Variants in USP49 observed in about 807,000 individuals in gnomAD.
USP49 encodes the protein ubiquitin specific peptidase 49.
A neutral mutation model predicts 58.6 loss-of-function variants in USP49; 24 were observed. The observed-to-expected ratio is 0.41, with a 90% CI of 0.30 to 0.58. The LOEUF is 0.58. Among genes scored for constraint, USP49 ranks in the 20% least tolerant of loss-of-function variants. The pLI is 0.30. For synonymous variants in USP49, 408 were observed against 365.1 expected (o/e 1.12, Z -1.34); for missense variants, 703 against 866.1 (o/e 0.81, Z 2.36).
At chr6:41,858,095 A>G (rs948649019) in intron 3 of USP49, among the ~76,000 whole-genome samples, 2 of 152,128 alleles carry the variant, frequency 1.3e-5, no homozygotes, top group Admixed American at 6.6e-5. Flanking sequence ...GGCTCCATCC[A>G]TATTTAGCCT....
chr6:41,836,684 C>T (rs1773732960), intron 3 of USP49, among the ~76,000 whole-genome samples: 1 of 152,006 alleles, frequency 6.6e-6, no homozygotes, highest in South Asian at 2.1e-4. Flanking sequence ...AATTTTATAC[C>T]TAGAAAACCC....
chr6:41,802,472 T>TA (rs1773035194), intron 5 of USP49, among the ~76,000 whole-genome samples: 1 of 69,098 alleles, frequency 1.4e-5, no homozygotes, highest in African/African-American at 6.6e-5. Flanking sequence ...TTATTTATTT[T>TA]TTATTTATTT....
intron 4 of USP49, among the ~76,000 whole-genome samples, chr6:41,805,382 T>A (rs559431470): frequency 6.6e-6 from 1 of 152,306 alleles, no homozygotes; most frequent in African/African-American, 2.4e-5. Context: ...CAATTAAAGA[T>A]ATTCACTGAA....
intron 3 of USP49, among the ~76,000 whole-genome samples, chr6:41,813,148 G>A (rs559530393): frequency 1.3e-3 from 205 of 152,228 alleles, no homozygotes; most frequent in Admixed American, 2.2e-3. Flanking sequence ...TATTAAGACA[G>A]CATAGACTTA....
Position 41,806,168 on chromosome 6 carries a change from G to A in USP49, c.816C>T (p.Ser272=). The A allele has an allele frequency of 6.2e-7, 1 of 1,613,460 alleles. No homozygotes were observed. The highest frequency in any genetic ancestry group is 1.1e-5 in the South Asian group (1 of 91,088). ...AACATTCTCGGAACTTCTGGAGGTG[G>A]CTGAGCACCTGGAGGATGGAGTTCA... The part of the protein sequence containing the change: ...CYMNSILQVL[S]HLQKFRECFL... Residue 272 remains serine (S), a synonymous_variant, in exon 4 of 8, where the codon AGC becomes AGT. Transcript: ENST00000682992. The surrounding 1 kb of genome is among the most constrained non-coding windows in gnomAD (Gnocchi z 5.9).
chr6:41,890,378 C>CAAAA (rs34841111), intron 2 of USP49, among the ~76,000 whole-genome samples: 1 of 135,634 alleles, frequency 7.4e-6, no homozygotes, highest in Non-Finnish European at 1.6e-5. Flanking sequence ...TACTCCAACT[C>CAAAA]AAAAAAAAAA....
chr6:41,887,952 C>T (rs1013753105), intron 2 of USP49, among the ~76,000 whole-genome samples: 12 of 151,686 alleles, frequency 7.9e-5, no homozygotes, highest in African/African-American at 1.9e-4. Flanking sequence ...CCCATGTCTC[C>T]GAAACAATAA....
intron 5 of USP49, among the ~76,000 whole-genome samples, chr6:41,802,428 T>TTTTATTTTATTTATTTATTTATTTA (rs10688447): frequency 9.4e-6 from 1 of 106,432 alleles, no homozygotes; most frequent in East Asian, 2.6e-4. Flanking sequence ...TTTTATTTTA[T>TTTTATTTTATTTATTTATTTATTTA]TTTATTTATT....
chr6:41,850,982 G>A (rs568075172), intron 3 of USP49, among the ~76,000 whole-genome samples: 5 of 152,166 alleles, frequency 3.3e-5, no homozygotes, highest in African/African-American at 7.2e-5. Context: ...CAATGAGTAA[G>A]GAGATTAAAT....
chr6:41,808,672 A>C (rs886172927), intron 3 of USP49, among the ~76,000 whole-genome samples: 1 of 151,682 alleles, frequency 6.6e-6, no homozygotes, highest in Non-Finnish European at 1.5e-5. Flanking sequence ...AGCCTCCCAA[A>C]GTGCTGCGAT....
At chr6:41,797,612 A>C in intron 7 of USP49, 1 of 985,774 alleles carries the variant, frequency 1.0e-6, no homozygotes, top group Non-Finnish European at 1.2e-6. Context: ...TTCCCATGGC[A>C]GGGGAAGTAG....
chr6:41,844,290 G>A (rs1244531110), intron 3 of USP49, among the ~76,000 whole-genome samples: 2 of 151,848 alleles, frequency 1.3e-5, no homozygotes, highest in African/African-American at 2.4e-5. Flanking sequence ...TTTCTCTTTA[G>A]GCAACTGCGT....
At position 41,881,288 on chromosome 6, in the gene USP49, C is replaced by CAAA. The variant is rs57022965; in HGVS notation, c.-102-9654_-102-9652dup. 4.3e-3 allele frequency among the ~76,000 whole-genome samples: 88 copies of CAAA among 20,388 alleles called. 14 individuals carry two copies. Among genetic ancestry groups the CAAA allele is most frequent in the South Asian group, 0.015 (4 of 264 alleles). The allele number at this position is 20,388 out of a possible 152,430, so 13.4% of individuals were successfully genotyped here. On this transcript the variant is annotated intron_variant, in intron 2 of 7. Coordinates refer to ENST00000682992, the MANE Select transcript of USP49 (RefSeq NM_001286554.2). ...TGTTCAGAAATATGGCATTAAATAC[C>CAAA]AAAAAAAAAAAAAAAAAAAAAAAAA...
intron 3 of USP49, among the ~76,000 whole-genome samples, chr6:41,859,065 C>T (rs1774176767): frequency 6.6e-6 from 1 of 152,186 alleles, no homozygotes; most frequent in Non-Finnish European, 1.5e-5. Flanking sequence ...TCAGTTCTAG[C>T]CCACATTACT....
Position 41,805,698 on chromosome 6 carries a change from G to C in USP49, c.1286C>G (p.Ser429Cys), listed in dbSNP as rs759941956. The C allele has an allele frequency of 4.5e-5, 72 of 1,614,030 alleles. No individual in the cohort carries two copies. Among genetic ancestry groups the C allele is most frequent in the Non-Finnish European group, 4.6e-5 (54 of 1,180,024 alleles). Residue 429 changes from serine (S) to cysteine (C), a missense_variant, in exon 4 of 8, where the codon TCC (serine) becomes TGC (cysteine). By Grantham distance (112) the Ser-to-Cys change is moderately radical. Transcript: ENST00000682992. ...GTTRRILIPFSQRKLTKQVLK... is the reference protein window; with the variant it reads ...GTTRRILIPFCQRKLTKQVLK... ...GACCTGTTTGGTGAGCTTCCTCTGG[G>C]AGAAGGGGATGAGGATCCGGCGTGT... is the stretch of plus-strand genomic sequence containing the variant.
At chr6:41,837,383 C>T (rs1417086843) in intron 3 of USP49, among the ~76,000 whole-genome samples, 3 of 152,058 alleles carry the variant, frequency 2.0e-5, no homozygotes, top group Non-Finnish European at 2.9e-5. Flanking sequence ...TAAATGGCAC[C>T]GGAATAACTG....
chr6:41,810,848 C>T lies in USP49; in HGVS notation c.-28-3837G>A, dbSNP rs542580812. ...TGCTGGGATTATAGGTGTGAGCCAC[C>T]GTGCCCGGCCGGTAGTTCCTCTTTC... On this transcript the variant is annotated intron_variant, in intron 3 of 7. Transcript: ENST00000682992. Among the ~76,000 whole-genome samples the T allele has an allele frequency of 3.3e-5, 5 of 152,110 alleles. No individual in the cohort carries two copies. In the East Asian group the frequency reaches 5.8e-4, roughly 18 times the overall value.
At chr6:41,839,858 A>G (rs1397064775) in intron 3 of USP49, among the ~76,000 whole-genome samples, 2 of 151,962 alleles carry the variant, frequency 1.3e-5, no homozygotes, top group Non-Finnish European at 2.9e-5. Context: ...GGGAGGGGGT[A>G]AGGGATAAAA....
At chr6:41,890,308 G>A (rs1223696308) in intron 2 of USP49, among the ~76,000 whole-genome samples, 1 of 151,856 alleles carries the variant, frequency 6.6e-6, no homozygotes. Flanking sequence ...GAACCTGGGA[G>A]GCGGAGGTTG....
Sources: allele counts gnomAD v4.1 joint callset (sites outside exome capture counted in the v4.1 genomes callset), GRCh38; gene constraint gnomAD v4.1.1; non-coding constraint Gnocchi (gnomAD v3.1); transcripts MANE v1.5; gene names NCBI Gene and HGNC (gene_info 2026-07-23, HGNC 2026-07-21).